Variants in PDCD6IP observed in about 807,000 individuals in gnomAD.
The protein encoded by PDCD6IP is programmed cell death 6-interacting protein.
In PDCD6IP, 43 loss-of-function variants were observed where a neutral mutation model predicts 103.7. The observed-to-expected ratio is 0.41, with a 90% CI of 0.32 to 0.53. The LOEUF (loss-of-function observed/expected upper bound fraction) is 0.53, where lower values mean the gene tolerates loss of function less well. Among genes scored for constraint, PDCD6IP ranks in the 20% least tolerant of loss-of-function variants. The pLI is 0.16. For synonymous variants in PDCD6IP, 354 were observed against 378.7 expected (o/e 0.93, Z 0.76); for missense variants, 871 against 1,036.7 (o/e 0.84, Z 2.20).
chr3:33,823,188 C>T (rs529149689), intron 4 of PDCD6IP, among the ~76,000 whole-genome samples: 1 of 152,254 alleles, frequency 6.6e-6, no homozygotes, highest in Non-Finnish European at 1.5e-5. Flanking sequence ...CTTAATAAAG[C>T]AGTCTATTTG....
intron 1 of PDCD6IP, among the ~76,000 whole-genome samples, chr3:33,802,817 C>G (rs1696507277): frequency 6.6e-6 from 1 of 152,112 alleles, no homozygotes; most frequent in African/African-American, 2.4e-5. Context: ...TGAGAGTGAA[C>G]CTACCTTCAG....
rs772346357 is a variant in PDCD6IP at position 33,836,235 on chromosome 3, G to A, written c.1026G>A (p.Pro342=). The A allele has an allele frequency of 8.1e-6, 13 of 1,610,032 alleles. No individual in the cohort carries two copies. The highest frequency in any genetic ancestry group is 6.7e-5 in the East Asian group (3 of 44,832). ...AAGCCACACTTGTGAAATCTACCCC[G>A]GTCAATGTACCCATCAGTCAGAAAT... ...IGKATLVKST[P]VNVPISQKFT... Residue 342 remains proline, a synonymous_variant, in exon 8 of 18, where the codon CCG becomes CCA. Coordinates refer to ENST00000307296, the MANE Select transcript of PDCD6IP (RefSeq NM_013374.6).
intron 1 of PDCD6IP, among the ~76,000 whole-genome samples, chr3:33,801,212 GTGA>G (rs1242831215): frequency 6.6e-6 from 1 of 152,164 alleles, no homozygotes; most frequent in Non-Finnish European, 1.5e-5. Context: ...AATCAGTTGT[GTGA>G]TGTTCATTCA....
At position 33,867,161 on chromosome 3, in the gene PDCD6IP, A is replaced by G. The variant is rs1362209176; in HGVS notation, c.*636A>G. 1.3e-5 allele frequency: 2 copies of G among 152,198 alleles called. No homozygotes were observed. The highest frequency in any genetic ancestry group is 2.9e-5 in the Non-Finnish European group (2 of 68,016). The allele number at this position is 152,198 out of a possible 1,614,324, so 9.4% of individuals were successfully genotyped here. On this transcript the variant is annotated 3_prime_UTR_variant, in exon 18 of 18. Transcript: ENST00000307296. Reference sequence around the variant, plus strand: ...TCAAGGATGTTTTACAGGGAAATCAAAAGAATATTATCATACTTTATCTTT... The same window carrying G: ...TCAAGGATGTTTTACAGGGAAATCAGAAGAATATTATCATACTTTATCTTT...
intron 13 of PDCD6IP, among the ~76,000 whole-genome samples, chr3:33,853,264 T>A (rs1408837696): frequency 6.6e-5 from 10 of 152,186 alleles, no homozygotes; most frequent in African/African-American, 2.4e-4. Flanking sequence ...GCATATTACT[T>A]AGGAGTGCTT....
chr3:33,803,669 AT>A (rs1333496102), intron 1 of PDCD6IP, among the ~76,000 whole-genome samples: 4 of 151,804 alleles, frequency 2.6e-5, no homozygotes, highest in African/African-American at 9.7e-5. Context: ...TTTTTTTCTT[AT>A]TCCTAATGTT....
intron 15 of PDCD6IP, among the ~76,000 whole-genome samples, chr3:33,856,218 G>A (rs1210888868): frequency 1.3e-5 from 2 of 152,186 alleles, no homozygotes. Context: ...CCATGAGACC[G>A]GTCCCTGGTG....
chr3:33,836,450 A>C (rs1697350382), intron 8 of PDCD6IP, among the ~76,000 whole-genome samples, 184 bp downstream of exon 8: 1 of 152,272 alleles, frequency 6.6e-6, no homozygotes, highest in East Asian at 1.9e-4. Context: ...AAACAATAAT[A>C]AAGCATATGT....
At position 33,852,417 on chromosome 3, in the gene PDCD6IP, T is replaced by C. The variant is rs1168616531; in HGVS notation, c.1642-71T>C. 2.7e-6 allele frequency: 4 copies of C among 1,483,632 alleles called. No homozygotes were observed. The East Asian group carries it at 9.5e-5, about 35-fold the overall frequency. The allele number at this position is 1,483,632 out of a possible 1,614,324, so 91.9% of individuals were successfully genotyped here. On this transcript the variant is annotated intron_variant, in intron 12 of 17. Coordinates refer to ENST00000307296, the MANE Select transcript of PDCD6IP (RefSeq NM_013374.6). ...TCAGCCCGAATGAACCTTTATATAT[T>C]ATTTCCTTCTCGAAATTGGCTTTTT... is the stretch of plus-strand genomic sequence containing the variant.
chr3:33,845,456 G>A lies in PDCD6IP; in HGVS notation c.1509G>A (p.Val503=), dbSNP rs369369637. The change falls in exon 12 of 18, where the codon GTG becomes GTA. Residue 503 remains valine, a synonymous_variant. Transcript: ENST00000307296. ...TCAGAACAGTTTTAGATAAAGCTGT[G>A]CAGGCAGATGGACAAGTGAAAGAAT... ...TNFRTVLDKA[V]QADGQVKECY... is the part of the protein sequence containing the mutation. 6.2e-7 allele frequency: 1 copy of A among 1,613,884 alleles called. No homozygotes were observed. Among genetic ancestry groups the A allele is most frequent in the Non-Finnish European group, 8.5e-7 (1 of 1,179,910 alleles).
At position 33,825,193 on chromosome 3, in the gene PDCD6IP, A is replaced by G. The variant is rs759265288; in HGVS notation, c.469A>G (p.Ser157Gly). ...TTCTTTTTCCCCCCTTTAGTTTGCT[A>G]GTGGTGCCTTTTTACATATTAAAGA... is the stretch of plus-strand genomic sequence containing the variant. ...KIAAKHYQFA[S>G]GAFLHIKETV... Residue 157 changes from serine to glycine, a missense_variant, in exon 5 of 18, where the codon AGT (serine) becomes GGT (glycine). Transcript: ENST00000307296. The G allele has an allele frequency of 1.2e-6, 2 of 1,607,892 alleles. No homozygotes were observed. The highest frequency in any genetic ancestry group is 2.7e-5 in the African/African-American group (2 of 74,558).
At chr3:33,857,456 A>C (rs1697854145) in intron 15 of PDCD6IP, among the ~76,000 whole-genome samples, 1 of 152,174 alleles carries the variant, frequency 6.6e-6, no homozygotes, top group South Asian at 2.1e-4. Flanking sequence ...CCCCAGCCTA[A>C]AAAAAGATGA....
chr3:33,859,991 G>T (rs1418024114), intron 15 of PDCD6IP, among the ~76,000 whole-genome samples: 1 of 152,106 alleles, frequency 6.6e-6, no homozygotes, highest in Non-Finnish European at 1.5e-5. Flanking sequence ...TTAAAAATCA[G>T]GGTGTTTTCA....
chr3:33,842,104 A>G (rs756327018), intron 10 of PDCD6IP, 30 bp downstream of exon 10: 12 of 1,347,704 alleles, frequency 8.9e-6, no homozygotes, highest in East Asian at 2.3e-5. Context: ...CTTTTCAAGT[A>G]TAAACACTGT....
Position 33,836,233 on chromosome 3 carries a change from C to A in PDCD6IP, c.1024C>A (p.Pro342Thr). ...IGKATLVKST[P>T]VNVPISQKFT... is the part of the protein sequence containing the mutation. ...CAAAGCCACACTTGTGAAATCTACCCCGGTCAATGTACCCATCAGTCAGAA... is the reference window on the plus strand; with the variant it reads ...CAAAGCCACACTTGTGAAATCTACCACGGTCAATGTACCCATCAGTCAGAA... Residue 342 changes from proline (P) to threonine (T), a missense_variant, in exon 8 of 18, where the codon CCG (proline) becomes ACG (threonine). Physicochemically the swap from Pro to Thr is conservative, Grantham distance 38. Around this residue, in one of 5 missense-constraint regions of PDCD6IP, gnomAD observed 242 missense variants for 250.7 expected, o/e 0.97. Coordinates refer to ENST00000307296, the MANE Select transcript of PDCD6IP (RefSeq NM_013374.6). 1 of 1,611,142 alleles carries A rather than the reference C, an allele frequency of 6.2e-7. No homozygotes were observed. Among genetic ancestry groups the A allele is most frequent in the Non-Finnish European group, 8.5e-7 (1 of 1,177,360 alleles).
intron 10 of PDCD6IP, among the ~76,000 whole-genome samples, chr3:33,843,661 C>T (rs1031007218): frequency 1.3e-5 from 2 of 152,128 alleles, no homozygotes; most frequent in African/African-American, 2.4e-5. Flanking sequence ...TGGCCCCCTA[C>T]TATCCTGTCA....
At chr3:33,828,649 G>GA in intron 6 of PDCD6IP, 9 of 385,398 alleles carry the variant, frequency 2.3e-5, no homozygotes, top group East Asian at 8.7e-5. Context: ...TCAATTGGAA[G>GA]AAAAAAAATT....
intron 6 of PDCD6IP, chr3:33,827,899 C>T (rs1243985061): frequency 6.6e-6 from 1 of 152,162 alleles, no homozygotes. Context: ...ACTGAAAAGT[C>T]TGCAAGTAGT....
chr3:33,855,888 A>C (rs781215799), intron 15 of PDCD6IP, among the ~76,000 whole-genome samples: 36 of 152,344 alleles, frequency 2.4e-4, no homozygotes, highest in Admixed American at 1.6e-3. Context: ...GTAAGGAGGC[A>C]ATCATTCTAA....
Sources: gnomAD v4.1 joint callset for allele counts (sites outside exome capture counted in the v4.1 genomes callset) on GRCh38, gnomAD v4.1.1 for gene constraint, gnomAD v4.1.1 regional missense constraint, MANE v1.5 for transcripts, NCBI Gene and HGNC (gene_info 2026-07-23, HGNC 2026-07-21) for gene names.